Variants in ATP10A observed in about 807,000 individuals in gnomAD.
The protein encoded by ATP10A is ATPase phospholipid transporting 10A (putative).
ATP10A carries 111 observed loss-of-function variants against 147.8 expected under a neutral mutation model. The observed-to-expected ratio is 0.75, with a 90% CI of 0.64 to 0.88. The LOEUF is 0.88. ATP10A is among the 40% of genes least tolerant of loss of function. The pLI is 0.00. For synonymous variants in ATP10A, 875 were observed against 841.6 expected, an observed-to-expected ratio of 1.04 and a Z score of -0.69; for missense variants, 1,927 against 1,959.0, an observed-to-expected ratio of 0.98 and a Z score of 0.31.
chr15:25,706,579 G>T (rs886992634), intron 12 of ATP10A, among the ~76,000 whole-genome samples: 4 of 152,202 alleles, frequency 2.6e-5, no homozygotes, highest in Non-Finnish European at 4.4e-5. Context: ...GGGCTCCTGG[G>T]CTCTGAGAGC....
intron 2 of ATP10A, among the ~76,000 whole-genome samples, chr15:25,764,691 C>T (rs555887604): frequency 5.9e-5 from 9 of 152,332 alleles, no homozygotes; most frequent in Admixed American, 5.9e-4. Context: ...GTGGTCATTT[C>T]ATTACAGTAT....
chr15:25,679,464 C>T lies in ATP10A; in HGVS notation c.4377G>A (p.Thr1459=), dbSNP rs149560828. The part of the protein sequence containing the change: ...RLGSVLQFSR[T]EQLADGQAGR... The stretch of plus-strand genomic sequence containing the variant: ...CCGCTTGTCCATCTGCAAGCTGCTC[C>T]GTCCGGGAGAACTGTAAGACACTCC... The change falls in exon 21 of 21, where the codon ACG becomes ACA. Residue 1459 remains threonine (T), a synonymous_variant. Coordinates refer to ENST00000555815, the MANE Select transcript of ATP10A (RefSeq NM_024490.4). The T allele has an allele frequency of 2.0e-5, 33 of 1,613,932 alleles. No individual in the cohort carries two copies. Among genetic ancestry groups the T allele is most frequent in the East Asian group, 8.9e-5 (4 of 44,888 alleles).
At chr15:25,786,233 G>A (rs978943566) in intron 1 of ATP10A, among the ~76,000 whole-genome samples, 1 of 152,190 alleles carries the variant, frequency 6.6e-6, no homozygotes, top group East Asian at 1.9e-4. Context: ...AGGACACAGG[G>A]TTCCTGGGTG....
chr15:25,795,144 T>C (rs1416022113), intron 1 of ATP10A, among the ~76,000 whole-genome samples: 3 of 152,150 alleles, frequency 2.0e-5, no homozygotes, highest in African/African-American at 4.8e-5. Flanking sequence ...ACTGGCTATA[T>C]CCCAGGTATC....
intron 13 of ATP10A, among the ~76,000 whole-genome samples, chr15:25,698,919 A>G (rs1326880493): frequency 6.6e-6 from 1 of 152,188 alleles, no homozygotes; most frequent in Non-Finnish European, 1.5e-5. Context: ...GCTGAAAACT[A>G]TAAAATGCTG....
intron 2 of ATP10A, among the ~76,000 whole-genome samples, chr15:25,736,802 C>T (rs1027642548): frequency 1.1e-4 from 17 of 152,178 alleles, no homozygotes; most frequent in Non-Finnish European, 2.5e-4. Context: ...TCAGTATAAA[C>T]GAGCACAATT....
chr15:25,791,084 G>GTTT (rs66598588), intron 1 of ATP10A, among the ~76,000 whole-genome samples: 6 of 129,580 alleles, frequency 4.6e-5, no homozygotes, highest in Admixed American at 8.1e-5. Flanking sequence ...CCCTGCAAGT[G>GTTT]TTTTTTTTTT....
chr15:25,823,068 T>C (rs982772665), intron 1 of ATP10A, among the ~76,000 whole-genome samples: 1 of 152,188 alleles, frequency 6.6e-6, no homozygotes, highest in Non-Finnish European at 1.5e-5. Context: ...AGAAGCAACA[T>C]TTTTTAAATT....
At chr15:25,823,521 G>A (rs1891976966) in intron 1 of ATP10A, among the ~76,000 whole-genome samples, 1 of 152,192 alleles carries the variant, frequency 6.6e-6, no homozygotes, top group African/African-American at 2.4e-5. Context: ...TCCTGCTTTT[G>A]AGTCAGATAC....
intron 1 of ATP10A, chr15:25,861,929 AG>A (rs1197603368): frequency 8.2e-6 from 2 of 242,974 alleles, no homozygotes; most frequent in Non-Finnish European, 1.6e-5. Flanking sequence ...TCTAAAACTC[AG>A]GGAGGGAAAA....
chr15:25,781,293 G>A (rs1256986009), intron 1 of ATP10A, 70 bp from the exon 2 acceptor site: 4 of 1,319,472 alleles, frequency 3.0e-6, no homozygotes, highest in Middle Eastern at 1.9e-4. Context: ...TGATGGGCAC[G>A]TGGGGCTCAT....
chr15:25,675,165 G>A (rs1406533932), downstream of ATP10A, among the ~76,000 whole-genome samples: 1 of 152,156 alleles, frequency 6.6e-6, no homozygotes, highest in Non-Finnish European at 1.5e-5. Context: ...GCCTGGGCCT[G>A]GCTCAGAAGG....
intron 1 of ATP10A, among the ~76,000 whole-genome samples, chr15:25,785,796 C>A (rs896419018): frequency 6.6e-6 from 1 of 152,120 alleles, no homozygotes; most frequent in African/African-American, 2.4e-5. Context: ...CTGAAGAGGA[C>A]ATCGTTGAAT....
intron 1 of ATP10A, among the ~76,000 whole-genome samples, chr15:25,802,109 G>A (rs940938339): frequency 6.6e-6 from 1 of 152,122 alleles, no homozygotes; most frequent in African/African-American, 2.4e-5. Flanking sequence ...TCGGTAAAAT[G>A]TTGCTTTTGG....
At position 25,681,037 on chromosome 15, in the gene ATP10A, T is replaced by G; in HGVS notation, c.3530A>C (p.Asp1177Ala). 6.2e-7 allele frequency: 1 copy of G among 1,614,070 alleles called. No homozygotes were observed. The highest frequency in any genetic ancestry group is 8.5e-7 in the Non-Finnish European group (1 of 1,179,978). ...RPRTFWFNMADAAFQSLVCFS... is the reference protein window; with the variant it reads ...RPRTFWFNMAAAAFQSLVCFS... ...GCAAACCAGGCTCTGGAAGGCGGCGTCGGCCATGTTAAACCAGAACGTTCG... is the reference window on the plus strand; with the variant it reads ...GCAAACCAGGCTCTGGAAGGCGGCGGCGGCCATGTTAAACCAGAACGTTCG... Residue 1177 changes from aspartate (D) to alanine (A), a missense_variant, in exon 18 of 21, where the codon GAC (aspartate) becomes GCC (alanine). Physicochemically the swap from Asp to Ala is moderately radical, Grantham distance 126. Transcript: ENST00000555815.
At chr15:25,699,195 A>C (rs1326708142) in intron 13 of ATP10A, among the ~76,000 whole-genome samples, 2 of 152,240 alleles carry the variant, frequency 1.3e-5, no homozygotes, top group African/African-American at 4.8e-5. Context: ...GACTTATAAA[A>C]AACTACAGTA....
At chr15:25,755,085 T>C (rs1888347180) in intron 2 of ATP10A, among the ~76,000 whole-genome samples, 1 of 152,204 alleles carries the variant, frequency 6.6e-6, no homozygotes. Flanking sequence ...CTGAACTGCC[T>C]TTTTCCCTTG....
At chr15:25,707,276 T>G (rs1387478982) in intron 12 of ATP10A, among the ~76,000 whole-genome samples, 1 of 152,146 alleles carries the variant, frequency 6.6e-6, no homozygotes, top group Non-Finnish European at 1.5e-5. Flanking sequence ...TAAGTGAAGA[T>G]GACCTGCCCA....
intron 2 of ATP10A, among the ~76,000 whole-genome samples, chr15:25,759,115 C>A (rs953139167): frequency 1.3e-5 from 2 of 152,198 alleles, no homozygotes; most frequent in Non-Finnish European, 2.9e-5. Flanking sequence ...AATGTGCACT[C>A]GCCATTGTTC....
Sources: gnomAD v4.1 joint callset for allele counts (sites outside exome capture counted in the v4.1 genomes callset) on GRCh38, gnomAD v4.1.1 for gene constraint, MANE v1.5 for transcripts, NCBI Gene and HGNC (gene_info 2026-07-23, HGNC 2026-07-21) for gene names.